KLHL20: variants seen among roughly 807,000 people sequenced by gnomAD.
The protein encoded by KLHL20 is kelch like family member 20.
Under a neutral mutation model 69.5 loss-of-function variants are expected in KLHL20, and 29 were observed. The ratio of observed to expected loss-of-function variants is 0.42; its 90% confidence interval spans 0.31 to 0.57. The LOEUF (loss-of-function observed/expected upper bound fraction) is 0.57, where lower values mean the gene tolerates loss of function less well. KLHL20 is among the 20% of genes least tolerant of loss of function. KLHL20 has a pLI of 0.18. For missense variants in KLHL20, 419 were observed against 776.0 expected (o/e 0.54, Z 5.47); for synonymous variants, 253 against 265.2 (o/e 0.95, Z 0.45).
At chr1:173,721,269 G>A (rs539645904) in intron 2 of KLHL20, among the ~76,000 whole-genome samples, 2 of 152,018 alleles carry the variant, frequency 1.3e-5, no homozygotes, top group African/African-American at 2.4e-5. Flanking sequence ...TTCCAATCTC[G>A]TATCTTTGAA....
chr1:173,729,598 C>T (rs558912381), intron 2 of KLHL20, among the ~76,000 whole-genome samples: 1 of 152,226 alleles, frequency 6.6e-6, no homozygotes, highest in Non-Finnish European at 1.5e-5. Flanking sequence ...TAATCAGTTA[C>T]ATAAACAGAA....
intron 3 of KLHL20, among the ~76,000 whole-genome samples, chr1:173,748,536 G>C (rs6696680): frequency 0.41 from 61,665 of 151,872 alleles, 15,539 homozygotes; most frequent in African/African-American, 0.72. Context: ...TAGATGCCTT[G>C]ATAACAGACT....
In KLHL20 at chr1:173,785,354, G is replaced by C. The variant is rs774351573; in HGVS notation, c.*107G>C. 5.2e-4 allele frequency: 316 copies of C among 610,974 alleles called. No individual in the cohort carries two copies. Among genetic ancestry groups the C allele is most frequent in the Non-Finnish European group, 7.6e-4 (293 of 385,402 alleles). The allele number at this position is 610,974 out of a possible 1,614,324, so 37.8% of individuals were successfully genotyped here. A position where few individuals can be genotyped will look rare whatever the true frequency, so the allele number is the denominator to read the frequency against. On this transcript the variant is annotated 3_prime_UTR_variant, in exon 12 of 12. Coordinates refer to ENST00000209884, the MANE Select transcript of KLHL20 (RefSeq NM_014458.4). ...ATTAGAACAAATTTTATTATTTGCC[G>C]GTGCCTCAACAAATGGAAATACAAT...
At chr1:173,745,170 CT>C (rs796578983) in intron 3 of KLHL20, among the ~76,000 whole-genome samples, 7,095 of 115,308 alleles carry the variant, frequency 0.062, 329 homozygotes, top group African/African-American at 0.21. Context: ...TTTCTTTTTT[CT>C]TTTTTTTTTT....
chr1:173,738,296 G>A (rs185101176), intron 3 of KLHL20, among the ~76,000 whole-genome samples: 40 of 152,212 alleles, frequency 2.6e-4, no homozygotes, highest in African/African-American at 8.7e-4. Flanking sequence ...AGCCCCCCAC[G>A]TAGCTGGGAC....
chr1:173,721,391 A>G (rs1671706455), intron 2 of KLHL20, among the ~76,000 whole-genome samples: 1 of 152,338 alleles, frequency 6.6e-6, no homozygotes, highest in Admixed American at 6.5e-5. Context: ...TAGCTTGCAC[A>G]TCTCTTCTTT....
chr1:173,757,049 G>A lies in KLHL20; in HGVS notation c.1041G>A (p.Met347Ile). 1 of 1,614,164 alleles carries A rather than the reference G, an allele frequency of 6.2e-7. No homozygotes were observed. The highest frequency in any genetic ancestry group is 8.5e-7 in the Non-Finnish European group (1 of 1,180,024). The change falls in exon 7 of 12, where the codon ATG (methionine) becomes ATA (isoleucine). Residue 347 changes from methionine (M) to isoleucine (I), a missense_variant. Met to Ile is a conservative substitution (Grantham distance 10). Coordinates refer to ENST00000209884, the MANE Select transcript of KLHL20 (RefSeq NM_014458.4). The part of the protein sequence containing the change: ...RYDPQTNEWR[M>I]VASMSKRRCG... ...ATCCACAGACCAATGAATGGAGAAT[G>A]GTGGCTTCAATGAGCAAAAGGAGAT...
At chr1:173,738,172 TTC>T (rs1393063656) in intron 3 of KLHL20, among the ~76,000 whole-genome samples, 1 of 152,128 alleles carries the variant, frequency 6.6e-6, no homozygotes, top group Non-Finnish European at 1.5e-5. Flanking sequence ...CAGTTTGACT[TTC>T]TCTTTAACAA....
intron 10 of KLHL20, among the ~76,000 whole-genome samples, chr1:173,779,953 A>ATCCATCTTGGGATGTT (rs1648750880): frequency 6.6e-6 from 1 of 152,202 alleles, no homozygotes; most frequent in Admixed American, 6.5e-5. Flanking sequence ...TATAGAATTT[A>ATCCATCTTGGGATGTT]TCCATCTTGG....
intron 8 of KLHL20, among the ~76,000 whole-genome samples, chr1:173,769,365 G>T (rs750343784): frequency 1.5e-4 from 23 of 152,108 alleles, no homozygotes; most frequent in Non-Finnish European, 3.2e-4. Flanking sequence ...AAACTGACCA[G>T]CCAGGATAAT....
intron 3 of KLHL20, among the ~76,000 whole-genome samples, chr1:173,739,197 C>T (rs553217865): frequency 2.0e-5 from 3 of 152,026 alleles, no homozygotes; most frequent in Admixed American, 6.6e-5. Flanking sequence ...CTTAGCCTCC[C>T]GAGTATCTGG....
intron 2 of KLHL20, 126 bp from the exon 3 acceptor site, chr1:173,733,587 A>C (rs1016041616): frequency 2.3e-6 from 2 of 872,234 alleles, no homozygotes; most frequent in East Asian, 5.3e-5. Flanking sequence ...ATCTCTACAA[A>C]AAATTTAAAA....
At chr1:173,766,066 A>G in intron 7 of KLHL20, 80 bp from the exon 8 acceptor site, 1 of 1,121,628 alleles carries the variant, frequency 8.9e-7, no homozygotes, top group Non-Finnish European at 1.2e-6. Context: ...TATCATATAA[A>G]TCCATGGATT....
At chr1:173,772,745 C>CTTTA (rs1298018587) in intron 8 of KLHL20, among the ~76,000 whole-genome samples, 4 of 152,152 alleles carry the variant, frequency 2.6e-5, no homozygotes, top group Non-Finnish European at 4.4e-5. Flanking sequence ...ATACCACCTT[C>CTTTA]TTTAGTCTTG....
chr1:173,752,432 A>G (rs1398903026), intron 4 of KLHL20, among the ~76,000 whole-genome samples: 1 of 152,216 alleles, frequency 6.6e-6, no homozygotes, highest in Non-Finnish European at 1.5e-5. Context: ...ATTTTGGATC[A>G]ATTCTACTTT....
intron 2 of KLHL20, among the ~76,000 whole-genome samples, chr1:173,731,361 T>C (rs2102468239): frequency 6.6e-6 from 1 of 152,266 alleles, no homozygotes; most frequent in Admixed American, 6.5e-5. Flanking sequence ...GCCATCCCAA[T>C]ACTGGGTATA....
At position 173,766,229 on chromosome 1, in the gene KLHL20, G is replaced by C; in HGVS notation, c.1235G>C (p.Gly412Ala). ...ACAAGTGTTGGTGTAGCAGTACTTGGAGGCTTTCTTTATGCTGTGGGTGGC... is the reference window on the plus strand; with the variant it reads ...ACAAGTGTTGGTGTAGCAGTACTTGCAGGCTTTCTTTATGCTGTGGGTGGC... ...CRTSVGVAVLGGFLYAVGGQD... is the reference protein window; with the variant it reads ...CRTSVGVAVLAGFLYAVGGQD... Residue 412 changes from glycine (G) to alanine (A), a missense_variant, in exon 8 of 12, where the codon GGA becomes GCA. Transcript: ENST00000209884. 1 of 1,611,946 alleles carries C rather than the reference G, an allele frequency of 6.2e-7. No homozygotes were observed. The highest frequency in any genetic ancestry group is 8.5e-7 in the Non-Finnish European group (1 of 1,178,960).
chr1:173,733,654 G>A (rs1672388754), intron 2 of KLHL20, 59 bp from the exon 3 acceptor site: 4 of 1,304,496 alleles, frequency 3.1e-6, no homozygotes, highest in South Asian at 1.4e-5. Flanking sequence ...ACATTTAAGG[G>A]GAGAAAAGAG....
At chr1:173,782,321 C>A in intron 11 of KLHL20, 91 bp downstream of exon 11, 1 of 936,154 alleles carries the variant, frequency 1.1e-6, no homozygotes, top group South Asian at 1.4e-5. Context: ...CTGGGATGGT[C>A]AGTACATTGG....
Sources: gnomAD v4.1 joint callset for allele counts (sites outside exome capture counted in the v4.1 genomes callset) on GRCh38, gnomAD v4.1.1 for gene constraint, MANE v1.5 for transcripts, NCBI Gene and HGNC (gene_info 2026-07-23, HGNC 2026-07-21) for gene names.